WWOX: variants seen among roughly 807,000 people sequenced by gnomAD.
WWOX encodes WW domain-containing oxidoreductase.
A neutral mutation model predicts 46.2 loss-of-function variants in WWOX; 69 were observed. The ratio of observed to expected loss-of-function variants is 1.49; its 90% CI spans 1.23 to 1.82. The LOEUF (loss-of-function observed/expected upper bound fraction) is 1.82. WWOX is among the 40% of genes most tolerant of loss of function. The pLI is 0.00. For missense variants in WWOX, 919 were observed against 542.6 expected (o/e 1.69, Z -6.89); for synonymous variants, 359 against 202.6 (o/e 1.77, Z -6.56).
chr16:78,861,997 A>C (rs995986377), intron 8 of WWOX, among the ~76,000 whole-genome samples: 4 of 152,060 alleles, frequency 2.6e-5, no homozygotes, highest in Non-Finnish European at 4.4e-5. Context: ...CTAATACTAT[A>C]TGTGTGTGTG....
intron 8 of WWOX, among the ~76,000 whole-genome samples, chr16:78,968,935 A>G (rs2151320902): frequency 6.6e-6 from 1 of 152,308 alleles, no homozygotes; most frequent in Non-Finnish European, 1.5e-5. Context: ...AAAAAAAGAC[A>G]ACTTGAAATA....
intron 8 of WWOX, among the ~76,000 whole-genome samples, chr16:78,617,460 C>T (rs2046054862): frequency 6.6e-6 from 1 of 151,350 alleles, no homozygotes; most frequent in Non-Finnish European, 1.5e-5. Context: ...CTAAGTATTT[C>T]GTGAAATTGA....
chr16:78,607,910 A>T (rs985885954), intron 8 of WWOX, among the ~76,000 whole-genome samples: 2 of 152,064 alleles, frequency 1.3e-5, no homozygotes, highest in Admixed American at 1.3e-4. Flanking sequence ...CATGTTTGAG[A>T]CCTGTAAAAA....
intron 5 of WWOX, among the ~76,000 whole-genome samples, chr16:78,274,950 C>G (rs956794056): frequency 6.6e-6 from 1 of 152,102 alleles, no homozygotes; most frequent in African/African-American, 2.4e-5. Flanking sequence ...CTCTTTGGCT[C>G]GTTTTCAGTT....
At chr16:78,219,933 T>C (rs2036837339) in intron 5 of WWOX, among the ~76,000 whole-genome samples, 1 of 152,194 alleles carries the variant, frequency 6.6e-6, no homozygotes, top group Non-Finnish European at 1.5e-5. Flanking sequence ...ATGGGCAAAA[T>C]GTATTTGAAC....
chr16:78,866,285 A>G (rs1041218512), intron 8 of WWOX, among the ~76,000 whole-genome samples: 3 of 151,998 alleles, frequency 2.0e-5, no homozygotes, highest in African/African-American at 7.3e-5. Context: ...ATTTTCTTGG[A>G]GGGAGCCACG....
At chr16:78,340,102 C>G (rs72794011) in intron 5 of WWOX, among the ~76,000 whole-genome samples, 11,803 of 102,944 alleles carry the variant, frequency 0.11, 3,295 homozygotes, top group East Asian at 0.22. Context: ...TTTTAACTCT[C>G]TGATGTTAAT....
At chr16:78,959,076 C>G (rs1411991243) in intron 8 of WWOX, among the ~76,000 whole-genome samples, 1 of 152,134 alleles carries the variant, frequency 6.6e-6, no homozygotes, top group East Asian at 1.9e-4. Flanking sequence ...TGTCTACCCA[C>G]TTTTTCTTGA....
chr16:78,366,761 C>G (rs1018729537), intron 5 of WWOX, among the ~76,000 whole-genome samples: 6 of 152,046 alleles, frequency 3.9e-5, no homozygotes, highest in African/African-American at 1.4e-4. Context: ...AATCTCTGTT[C>G]TAGAGGATTC....
intron 8 of WWOX, among the ~76,000 whole-genome samples, chr16:78,745,449 C>G (rs888118454): frequency 6.6e-6 from 1 of 151,760 alleles, no homozygotes; most frequent in African/African-American, 2.4e-5. Context: ...TCAACATTGA[C>G]CTAGGTCAGA....
chr16:78,736,075 T>C (rs181789258), intron 8 of WWOX, among the ~76,000 whole-genome samples: 1 of 152,278 alleles, frequency 6.6e-6, no homozygotes, highest in Admixed American at 6.5e-5. Context: ...TTCGCTTGCT[T>C]TATCAAGGGA....
chr16:79,137,039 A>T (rs183471071), intron 8 of WWOX, among the ~76,000 whole-genome samples: 1 of 152,292 alleles, frequency 6.6e-6, no homozygotes, highest in Admixed American at 6.5e-5. Flanking sequence ...ATTACCATAA[A>T]CTGCCAAGGG....
intron 5 of WWOX, among the ~76,000 whole-genome samples, chr16:78,236,099 C>T (rs1157517169): frequency 2.6e-5 from 4 of 152,178 alleles, no homozygotes; most frequent in African/African-American, 9.7e-5. Context: ...AGATTCAGCC[C>T]GTGGGCCATA....
chr16:78,107,958 C>G (rs1406432603), intron 1 of WWOX, among the ~76,000 whole-genome samples: 1 of 151,966 alleles, frequency 6.6e-6, no homozygotes, highest in Non-Finnish European at 1.5e-5. Flanking sequence ...GAGACAGAGT[C>G]TTGCTCTGTC....
At chr16:79,137,611 C>T (rs1450129027) in intron 8 of WWOX, among the ~76,000 whole-genome samples, 1 of 152,100 alleles carries the variant, frequency 6.6e-6, no homozygotes, top group Non-Finnish European at 1.5e-5. Context: ...ACCTTTGGCT[C>T]TGACCTGCCA....
At chr16:78,530,141 C>G (rs1034563416) in intron 8 of WWOX, among the ~76,000 whole-genome samples, 26 of 152,168 alleles carry the variant, frequency 1.7e-4, no homozygotes, top group African/African-American at 6.3e-4. Context: ...CAGGAATGAA[C>G]TCTGTACTGG....
At chr16:78,331,138 C>A (rs965913337) in intron 5 of WWOX, among the ~76,000 whole-genome samples, 2 of 151,914 alleles carry the variant, frequency 1.3e-5, no homozygotes, top group African/African-American at 2.4e-5. Flanking sequence ...TGAATATGTT[C>A]GATTGAGGTT....
chr16:79,082,406 G>T (rs555761348), intron 8 of WWOX, among the ~76,000 whole-genome samples: 1 of 152,076 alleles, frequency 6.6e-6, no homozygotes, highest in African/African-American at 2.4e-5. Flanking sequence ...AGTTACATCA[G>T]GGGAGGGTCA....
intron 1 of WWOX, among the ~76,000 whole-genome samples, chr16:78,104,454 T>C (rs533886708): frequency 1.3e-5 from 2 of 152,252 alleles, no homozygotes; most frequent in East Asian, 3.9e-4. Context: ...CAGTGGGCTA[T>C]GATTGCATCA....
Sources: gnomAD v4.1 joint callset for allele counts (sites outside exome capture counted in the v4.1 genomes callset) on GRCh38, gnomAD v4.1.1 for gene constraint, MANE v1.5 for transcripts, NCBI Gene and HGNC (gene_info 2026-07-23, HGNC 2026-07-21) for gene names.